PREX2: variants seen among roughly 807,000 people sequenced by gnomAD.
The protein encoded by PREX2 is phosphatidylinositol 3,4,5-trisphosphate-dependent Rac exchanger 2 protein.
PREX2 carries 107 observed loss-of-function variants against 203.2 expected under a neutral mutation model. The observed-to-expected ratio is 0.53, with a 90% CI of 0.45 to 0.62. The LOEUF is 0.62. Ranked by LOEUF, PREX2 falls within the 20% of genes least tolerant of loss-of-function variation. The pLI is 0.00. For synonymous variants in PREX2, 672 were observed against 663.6 expected, an observed-to-expected ratio of 1.01 and a Z score of -0.19; for missense variants, 1,777 against 1,955.9, an observed-to-expected ratio of 0.91 and a Z score of 1.72.
intron 34 of PREX2, 92 bp downstream of exon 34, chr8:68,146,444 T>A (rs1811328976): frequency 1.8e-6 from 2 of 1,136,068 alleles, no homozygotes; most frequent in Non-Finnish European, 2.5e-6. Flanking sequence ...TTGGGATTTT[T>A]AAATTAATTT....
In PREX2 at chr8:68,053,121, T is replaced by A; in HGVS notation, c.968T>A (p.Ile323Asn). ...GTADFHSSGH[I>N]VVNGWKIHNT... Reference sequence around the variant, plus strand: ...GCTGATTTCCATAGCAGTGGACACATTGTTGTTAATGGATGGAAGATACAT... The same window carrying A: ...GCTGATTTCCATAGCAGTGGACACAATGTTGTTAATGGATGGAAGATACAT... Residue 323 changes from isoleucine to asparagine, a missense_variant, in exon 9 of 40, where the codon ATT becomes AAT. Physicochemically the swap from Ile to Asn is moderately radical, Grantham distance 149. Coordinates refer to ENST00000288368, the MANE Select transcript of PREX2 (RefSeq NM_024870.4). The A allele has an allele frequency of 5.6e-6, 9 of 1,613,484 alleles. No individual in the cohort carries two copies. The highest frequency in any genetic ancestry group is 6.8e-6 in the Non-Finnish European group (8 of 1,179,564).
Position 68,232,122 on chromosome 8 carries a change from G to A in PREX2, c.*744G>A, listed in dbSNP as rs1813180837. On this transcript the variant is annotated 3_prime_UTR_variant, in exon 40 of 40. Transcript: ENST00000288368. ...GGCTTCCTTGGGCCATGAATACTGG[G>A]TGCTGTGCCATAATGGCCCTGGGGA... 1 of 152,188 alleles carries A rather than the reference G, an allele frequency of 6.6e-6. No homozygotes were observed. Among genetic ancestry groups the A allele is most frequent in the South Asian group, 2.1e-4 (1 of 4,828 alleles). The allele number at this position is 152,188 out of a possible 1,614,324, so 9.4% of individuals were successfully genotyped here. A position where few individuals can be genotyped will look rare whatever the true frequency, so the allele number is the denominator to read the frequency against.
chr8:68,193,936 C>T (rs1428795127), intron 37 of PREX2, among the ~76,000 whole-genome samples: 2 of 152,190 alleles, frequency 1.3e-5, no homozygotes, highest in African/African-American at 2.4e-5. Context: ...GAGTATTTCT[C>T]TTAAAAGAAC....
intron 11 of PREX2, among the ~76,000 whole-genome samples, chr8:68,067,513 G>T (rs1213219339): frequency 6.6e-6 from 1 of 151,654 alleles, no homozygotes; most frequent in Non-Finnish European, 1.5e-5. Flanking sequence ...TTTTAAATGT[G>T]ATCATTTTTA....
chr8:67,998,931 T>C (rs1806849677), intron 1 of PREX2, among the ~76,000 whole-genome samples: 1 of 152,248 alleles, frequency 6.6e-6, no homozygotes, highest in African/African-American at 2.4e-5. Context: ...TGACACTTTC[T>C]GGAATTTATT....
At chr8:68,172,127 A>G (rs1302937448) in intron 35 of PREX2, among the ~76,000 whole-genome samples, 3 of 152,204 alleles carry the variant, frequency 2.0e-5, no homozygotes, top group Admixed American at 6.5e-5. Context: ...AGACTTGGAA[A>G]TCAGAGTTGT....
At position 67,996,194 on chromosome 8, in the gene PREX2, A is replaced by G. The variant is rs528616619; in HGVS notation, c.142-21652A>G. Among the ~76,000 whole-genome samples, 113 of 151,658 alleles carry G rather than the reference A, an allele frequency of 7.5e-4. 2 individuals are homozygous for G. In the South Asian group the frequency reaches 0.02, roughly 27 times the overall value. On this transcript the variant is annotated intron_variant, in intron 1 of 39. Coordinates refer to ENST00000288368, the MANE Select transcript of PREX2 (RefSeq NM_024870.4). ...GGTAGTTTTTCTTTTTTCAGTATTA[A>G]TTTTTTATTTATTTTTTTGGAGACA...
In PREX2 at chr8:68,115,741, A is replaced by T; in HGVS notation, c.3147-12A>T. 2 of 1,588,120 alleles carry T rather than the reference A, an allele frequency of 1.3e-6. No individual in the cohort carries two copies. The highest frequency in any genetic ancestry group is 3.6e-5 in the Admixed American group (2 of 55,264). On this transcript the variant is annotated splice_polypyrimidine_tract_variant and intron_variant, in intron 25 of 39. Transcript: ENST00000288368. ...TTGAAAATGTGCATTTTTTTTTAAT[A>T]TTACATTGCAGCCTTCTGTCTTCAA...
At chr8:68,212,870 C>T (rs564375003) in intron 37 of PREX2, among the ~76,000 whole-genome samples, 4 of 152,284 alleles carry the variant, frequency 2.6e-5, no homozygotes, top group East Asian at 1.9e-4. Flanking sequence ...AAAAACTTCT[C>T]TAAGTTTCTT....
chr8:67,979,522 G>A (rs1318263320), intron 1 of PREX2, among the ~76,000 whole-genome samples: 1 of 152,074 alleles, frequency 6.6e-6, no homozygotes, highest in Non-Finnish European at 1.5e-5. Context: ...ACTCCAAAAC[G>A]CCAGACTCTT....
chr8:67,972,519 T>A (rs1402082786), intron 1 of PREX2, among the ~76,000 whole-genome samples: 2 of 152,188 alleles, frequency 1.3e-5, no homozygotes, highest in Non-Finnish European at 2.9e-5. Context: ...ACCCTTTTTT[T>A]AAGAAGCTAG....
intron 37 of PREX2, among the ~76,000 whole-genome samples, chr8:68,204,871 C>CG (rs1380073654): frequency 3.3e-5 from 5 of 151,358 alleles, no homozygotes; most frequent in Non-Finnish European, 7.4e-5. Context: ...TTAGTAGAGA[C>CG]GGGGTTTCAC....
intron 35 of PREX2, among the ~76,000 whole-genome samples, chr8:68,169,776 C>T (rs1311483915): frequency 6.6e-6 from 1 of 152,128 alleles, no homozygotes; most frequent in African/African-American, 2.4e-5. Flanking sequence ...TGTTACTAAC[C>T]TTTGGTGTCA....
chr8:67,976,460 GA>G (rs1563479871), intron 1 of PREX2, among the ~76,000 whole-genome samples: 3 of 147,946 alleles, frequency 2.0e-5, no homozygotes, highest in African/African-American at 7.5e-5. Context: ...GAGAGAGAGA[GA>G]GAGACAGAGA....
At chr8:68,212,646 C>T (rs1460943832) in intron 37 of PREX2, among the ~76,000 whole-genome samples, 1 of 152,098 alleles carries the variant, frequency 6.6e-6, no homozygotes, top group South Asian at 2.1e-4. Flanking sequence ...CATTTTTTCT[C>T]CACAATTTTT....
At chr8:68,103,877 T>C (rs771590852) in intron 23 of PREX2, among the ~76,000 whole-genome samples, 6 of 151,998 alleles carry the variant, frequency 3.9e-5, no homozygotes, top group Non-Finnish European at 7.4e-5. Flanking sequence ...CAGGACTCCA[T>C]CTTCTCCTTT....
At chr8:68,198,099 A>C (rs987348274) in intron 37 of PREX2, among the ~76,000 whole-genome samples, 3 of 152,166 alleles carry the variant, frequency 2.0e-5, no homozygotes, top group Non-Finnish European at 2.9e-5. Context: ...TCAAGTTCCC[A>C]AAAGAGTTGT....
At chr8:68,079,418 T>C (rs1809446282) in intron 15 of PREX2, among the ~76,000 whole-genome samples, 1 of 152,212 alleles carries the variant, frequency 6.6e-6, no homozygotes. Context: ...TCATTTTGGT[T>C]TTAAGCAACA....
At chr8:68,156,449 T>G (rs1268320306) in intron 34 of PREX2, among the ~76,000 whole-genome samples, 3 of 152,242 alleles carry the variant, frequency 2.0e-5, no homozygotes, top group Admixed American at 1.3e-4. Flanking sequence ...TAGACGTGTG[T>G]GTATAAATAT....
Sources: gnomAD v4.1 joint callset for allele counts (sites outside exome capture counted in the v4.1 genomes callset) on GRCh38, gnomAD v4.1.1 for gene constraint, MANE v1.5 for transcripts, NCBI Gene and HGNC (gene_info 2026-07-23, HGNC 2026-07-21) for gene names.